Variants in C6orf136 observed in about 807,000 individuals in gnomAD.
C6orf136 encodes the protein chromosome 6 open reading frame 136, also known as uncharacterized protein C6orf136.
In C6orf136, 29 loss-of-function variants were observed where a neutral mutation model predicts 44.0. The ratio of observed to expected loss-of-function variants is 0.66; its 90% CI spans 0.49 to 0.90. The LOEUF is 0.90. C6orf136 is among the 40% of genes least tolerant of loss of function. The pLI, the probability that C6orf136 is intolerant of heterozygous loss-of-function variation, is 0.00. For missense variants in C6orf136, 628 were observed against 669.3 expected (o/e 0.94, Z 0.68); for synonymous variants, 293 against 278.6 (o/e 1.05, Z -0.52).
chr6:30,651,499 A>T (rs1164789958), intron 4 of C6orf136, 33 bp downstream of exon 4: 21 of 1,566,558 alleles, frequency 1.3e-5, no homozygotes, highest in Non-Finnish European at 1.6e-5. Flanking sequence ...CCCAAACTAT[A>T]ATCAGTTCCT....
At chr6:30,652,260 C>G (rs1767497571) in intron 4 of C6orf136, among the ~76,000 whole-genome samples, 1 of 150,820 alleles carries the variant, frequency 6.6e-6, no homozygotes, top group Non-Finnish European at 1.5e-5. Flanking sequence ...CACACACACA[C>G]ACACACACAC....
At position 30,647,347 on chromosome 6, in the gene C6orf136, G is replaced by C; in HGVS notation, c.116G>C (p.Arg39Thr). The C allele has an allele frequency of 6.4e-7, 1 of 1,553,468 alleles. No individual in the cohort carries two copies. The highest frequency in any genetic ancestry group is 8.7e-7 in the Non-Finnish European group (1 of 1,154,786). Reference protein sequence around the residue: ...EEGGRRGGGERPSSKPVRGAE... With the variant: ...EEGGRRGGGETPSSKPVRGAE... ...GGAGGGAGGAGAGGGGGCGGGGAGA[G>C]ACCCTCCTCAAAGCCGGTGCGTGGG... The change falls in exon 1 of 6, where the codon AGA (arginine) becomes ACA (threonine). Residue 39 changes from arginine (R) to threonine (T), a missense_variant. Physicochemically the swap from Arg to Thr is moderately conservative, Grantham distance 71. Around this residue, in one of 2 missense-constraint regions of C6orf136, gnomAD observed 497 missense variants for 469.2 expected, o/e 1.06. Coordinates refer to ENST00000651131, the MANE Select transcript of C6orf136 (RefSeq NM_001161376.2). The surrounding 1 kb of genome is among the most constrained non-coding windows in gnomAD (Gnocchi z 4.8).
At chr6:30,652,569 T>G (rs1767534306) in intron 4 of C6orf136, 79 bp from the exon 5 acceptor site, 1 of 1,291,038 alleles carries the variant, frequency 7.7e-7, no homozygotes, top group Non-Finnish European at 1.1e-6. Flanking sequence ...ATTTAGGGAC[T>G]ACTCGTTTAA....
intron 1 of C6orf136, among the ~76,000 whole-genome samples, chr6:30,648,601 A>T (rs1767099625): frequency 2.0e-5 from 3 of 151,158 alleles, no homozygotes; most frequent in Admixed American, 2.0e-4. Flanking sequence ...GGGTGTCACC[A>T]TATTGGCCAG....
intron 4 of C6orf136, 42 bp from the exon 5 acceptor site, chr6:30,652,606 C>G (rs1767538578): frequency 6.4e-7 from 1 of 1,561,788 alleles, no homozygotes; most frequent in Admixed American, 1.7e-5. Flanking sequence ...AGCTTTGGGA[C>G]CAGTCACCTT....
chr6:30,651,459 C>T lies in C6orf136; in HGVS notation c.1300C>T (p.His434Tyr). The change falls in exon 4 of 6, where the codon CAT (histidine) becomes TAT (tyrosine). Residue 434 changes from histidine to tyrosine, a missense_variant. Physicochemically the swap from His to Tyr is moderately conservative, Grantham distance 83 (BLOSUM62 2). Around this residue, in one of 2 missense-constraint regions of C6orf136, gnomAD observed 131 missense variants for 200.1 expected, o/e 0.65. Transcript: ENST00000651131. ...GTTCTACAAGCGTGACAAAGACGAGCATTACCGGTAAGAGAGAAATGAGAA... is the reference window on the plus strand; with the variant it reads ...GTTCTACAAGCGTGACAAAGACGAGTATTACCGGTAAGAGAGAAATGAGAA... Reference protein sequence around the residue: ...LRFYKRDKDEHYRTYDAYSTF... With the variant: ...LRFYKRDKDEYYRTYDAYSTF... The T allele has an allele frequency of 6.2e-7, 1 of 1,607,390 alleles. No homozygotes were observed. The highest frequency in any genetic ancestry group is 8.5e-7 in the Non-Finnish European group (1 of 1,179,842).
At position 30,647,853 on chromosome 6, in the gene C6orf136, G is replaced by A; in HGVS notation, c.615+7G>A. ...GACACCATCGGGGACCGAGGTACCC[G>A]AGCGGTCCGCCCGCCTTCCCTGCAG... is the stretch of plus-strand genomic sequence containing the variant. On this transcript the variant is annotated splice_region_variant and intron_variant, in intron 1 of 5. Transcript: ENST00000651131. This position sits in a 1 kb window ranked among gnomAD's most constrained non-coding sequence, Gnocchi z 4.8. 1 of 1,474,126 alleles carries A rather than the reference G, an allele frequency of 6.8e-7. No individual in the cohort carries two copies. Among genetic ancestry groups the A allele is most frequent in the Non-Finnish European group, 9.0e-7 (1 of 1,113,266 alleles). 91.3% of individuals were successfully genotyped at this position (1,474,126 alleles called of 1,614,324 possible).
intron 2 of C6orf136, among the ~76,000 whole-genome samples, chr6:30,650,766 G>C (rs772222825): frequency 2.0e-5 from 3 of 150,462 alleles, no homozygotes; most frequent in Non-Finnish European, 4.4e-5. Flanking sequence ...CTGGGCGACA[G>C]AGCTAGACTC....
chr6:30,651,215 G>A, intron 3 of C6orf136, 51 bp from the exon 4 acceptor site: 1 of 1,602,130 alleles, frequency 6.2e-7, no homozygotes, highest in South Asian at 1.1e-5. Context: ...AAGCCAGTTT[G>A]GTTTTCTAAT....
chr6:30,649,650 C>T lies in C6orf136; in HGVS notation c.708C>T (p.Pro236=), dbSNP rs1202773271. ...TSPSSPLFWS[P]LPPRLPTQRL... ...CATCTTCTCCTCTATTCTGGTCTCC[C>T]CTGCCCCCACGCCTTCCCACCCAGC... Residue 236 remains proline (P), a synonymous_variant, in exon 2 of 6, where the codon CCC becomes CCT. Transcript: ENST00000651131. 1 of 1,606,704 alleles carries T rather than the reference C, an allele frequency of 6.2e-7. No homozygotes were observed. The highest frequency in any genetic ancestry group is 8.5e-7 in the Non-Finnish European group (1 of 1,177,638).
Position 30,649,539 on chromosome 6 carries a change from TTC to T in C6orf136, c.616-17_616-16del. On this transcript the variant is annotated splice_polypyrimidine_tract_variant and intron_variant, in intron 1 of 5. Coordinates refer to ENST00000651131, the MANE Select transcript of C6orf136 (RefSeq NM_001161376.2). The stretch of plus-strand genomic sequence containing the variant: ...ACAAGTGGATTCTTATCTTTCTCCC[TTC>T]TGTTCTTTCTCCTTAGGACCAGCTT... 1.3e-6 allele frequency: 2 copies of T among 1,572,156 alleles called. No individual in the cohort carries two copies. The highest frequency in any genetic ancestry group is 1.7e-6 in the Non-Finnish European group (2 of 1,168,728).
intron 2 of C6orf136, among the ~76,000 whole-genome samples, 193 bp from the exon 3 acceptor site, chr6:30,650,801 A>C (rs1417918307): frequency 6.7e-6 from 1 of 149,554 alleles, no homozygotes. Flanking sequence ...AATCCCAGCT[A>C]CTCGGGAGGC....
chr6:30,653,186 T>C lies in C6orf136; in HGVS notation c.*271T>C. 6.4e-7 allele frequency: 1 copy of C among 1,567,726 alleles called. No homozygotes were observed. The highest frequency in any genetic ancestry group is 8.6e-7 in the Non-Finnish European group (1 of 1,161,730). ...AAAAATAATTTTATTTAATAGGTAT[T>C]AAATAATGTATAGAAGGAAAAGGAG... On this transcript the variant is annotated 3_prime_UTR_variant, in exon 6 of 6. Coordinates refer to ENST00000651131, the MANE Select transcript of C6orf136 (RefSeq NM_001161376.2).
chr6:30,650,304 G>A (rs1767283227), intron 2 of C6orf136, among the ~76,000 whole-genome samples: 1 of 150,992 alleles, frequency 6.6e-6, no homozygotes. Context: ...TGAGGCAGGA[G>A]AATCGCTTGA....
In C6orf136 at chr6:30,649,952, G is replaced by T. The variant is rs761219196; in HGVS notation, c.1010G>T (p.Arg337Ile). The change falls in exon 2 of 6, where the codon AGA (arginine) becomes ATA (isoleucine). Residue 337 changes from arginine (R) to isoleucine (I), a missense_variant. Arg to Ile is a moderately conservative substitution (Grantham distance 97). Coordinates refer to ENST00000651131, the MANE Select transcript of C6orf136 (RefSeq NM_001161376.2). ...CTGTCTGTCATGTATGAGAGACTGA[G>T]ACAAGAGGTAAGTCAGTGCAAAAGT... is the stretch of plus-strand genomic sequence containing the variant. Reference protein sequence around the residue: ...EHLSVMYERLRQELPKLFLQS... With the variant: ...EHLSVMYERLIQELPKLFLQS... The T allele has an allele frequency of 2.5e-6, 4 of 1,613,050 alleles. No homozygotes were observed. The highest frequency in any genetic ancestry group is 3.4e-6 in the Non-Finnish European group (4 of 1,179,882).
chr6:30,648,367 AAG>A (rs1226210732), intron 1 of C6orf136, among the ~76,000 whole-genome samples: 1 of 151,976 alleles, frequency 6.6e-6, no homozygotes, highest in Non-Finnish European at 1.5e-5. Context: ...TTCTTGCGAT[AAG>A]AGAGGTGAAA....
rs754746788 is a variant in C6orf136, at chr6:30,647,267, C to G, written c.36C>G (p.Leu12=). The change falls in exon 1 of 6, where the codon CTC becomes CTG. Residue 12 remains leucine (L), a synonymous_variant. Transcript: ENST00000651131. This position sits in a 1 kb window ranked among gnomAD's most constrained non-coding sequence, Gnocchi z 4.8. ...CCAGCCGGGGTGCGGCCCGGCGTCT[C>G]GGCCCTTGCCTGCGCGCCTACCAGG... ...YQPSRGAARR[L]GPCLRAYQAR... The G allele has an allele frequency of 1.3e-6, 2 of 1,599,178 alleles. No individual in the cohort carries two copies. Among genetic ancestry groups the G allele is most frequent in the South Asian group, 1.1e-5 (1 of 90,370 alleles).
At chr6:30,650,715 G>A (rs982188528) in intron 2 of C6orf136, among the ~76,000 whole-genome samples, 18 of 150,668 alleles carry the variant, frequency 1.2e-4, no homozygotes, top group Admixed American at 1.1e-3. Flanking sequence ...CCTGGGAGGC[G>A]GAGGTTGCAG....
In C6orf136 at chr6:30,649,645, T is replaced by C. The variant is rs752055142; in HGVS notation, c.703T>C (p.Ser235Pro). The C allele has an allele frequency of 6.2e-6, 10 of 1,601,290 alleles. No individual in the cohort carries two copies. The highest frequency in any genetic ancestry group is 1.8e-5 in the Admixed American group (1 of 55,252). Residue 235 changes from serine to proline, a missense_variant, in exon 2 of 6, where the codon TCT becomes CCT. By Grantham distance (74) the Ser-to-Pro change is moderately conservative. This residue lies in a region of C6orf136 where 497 missense variants were observed against 469.2 expected (regional missense o/e 1.06). Transcript: ENST00000651131. ...TTSPSSPLFW[S>P]PLPPRLPTQR... ...TTCCCCATCTTCTCCTCTATTCTGG[T>C]CTCCCCTGCCCCCACGCCTTCCCAC...
Sources: gnomAD v4.1 joint callset for allele counts (sites outside exome capture counted in the v4.1 genomes callset) on GRCh38, gnomAD v4.1.1 for gene constraint, gnomAD v4.1.1 regional missense constraint, Gnocchi (gnomAD v3.1) non-coding constraint, MANE v1.5 for transcripts, NCBI Gene and HGNC (gene_info 2026-07-23, HGNC 2026-07-21) for gene names.